Variants in ZNF875 observed in about 807,000 individuals in gnomAD.
The protein encoded by ZNF875 is HKR1, GLI-Kruppel zinc finger family member.
In ZNF875, 14 loss-of-function variants were observed where a neutral mutation model predicts 11.2. The observed-to-expected ratio is 1.26, with a 90% CI of 0.83 to 1.96. The LOEUF (loss-of-function observed/expected upper bound fraction) is 1.96, where lower values mean the gene tolerates loss of function less well. ZNF875 is among the 30% of genes most tolerant of loss of function. ZNF875 has a pLI of 0.00. For synonymous variants in ZNF875, 301 were observed against 281.1 expected (o/e 1.07, Z -0.71); for missense variants, 752 against 760.4 (o/e 0.99, Z 0.13).
intron 4 of ZNF875, among the ~76,000 whole-genome samples, chr19:37,354,001 A>G (rs2038410926): frequency 6.6e-6 from 1 of 151,592 alleles, no homozygotes; most frequent in African/African-American, 2.4e-5. Flanking sequence ...AGGACTCCCA[A>G]TTTACCTGTA....
intron 2 of ZNF875, among the ~76,000 whole-genome samples, chr19:37,345,731 AT>A (rs1270335072): frequency 1.3e-5 from 2 of 152,176 alleles, no homozygotes; most frequent in African/African-American, 4.8e-5. Context: ...TTTAATTGAT[AT>A]AAACACAAGT....
rs764342697 is a variant in ZNF875 at position 37,363,118 on chromosome 19, T to C, written c.1266T>C (p.Tyr422=). The change falls in exon 5 of 5, where the codon TAT becomes TAC. Residue 422 remains tyrosine, a synonymous_variant. Coordinates refer to ENST00000392153, the MANE Select transcript of ZNF875 (RefSeq NM_001353803.2). ...GGACACACACAGGAGAGAAGCCTTA[T>C]GTATGCACAGAATGTGGGCGTCACT... is the stretch of plus-strand genomic sequence containing the variant. The part of the protein sequence containing the change: ...HLRTHTGEKP[Y]VCTECGRHFS... 5 of 1,613,878 alleles carry C rather than the reference T, an allele frequency of 3.1e-6. No individual in the cohort carries two copies. Among genetic ancestry groups the C allele is most frequent in the East Asian group, 4.5e-5 (2 of 44,810 alleles).
rs114879568 is a variant in ZNF875 at position 37,326,596 on chromosome 19, A to T, written c.-603+2331A>T. Among the ~76,000 whole-genome samples the T allele has an allele frequency of 2.7e-3, 413 of 150,216 alleles. 1 individual carries two copies. Among genetic ancestry groups the T allele is most frequent in the African/African-American group, 9.8e-3 (399 of 40,826 alleles). The stretch of plus-strand genomic sequence containing the variant: ...TTTCTTTGATACATTAGTGACTCAC[A>T]TACTTTTCATGTTTTTTGAGTACCT... On this transcript the variant is annotated intron_variant, in intron 4 of 5. Transcript: ENST00000544914.
At chr19:37,358,502 A>G (rs576401479) in intron 4 of ZNF875, 1 of 147,118 alleles carries the variant, frequency 6.8e-6, no homozygotes, top group East Asian at 2.0e-4. Context: ...TTAGAATACA[A>G]TTCCTCAGTT....
chr19:37,338,849 T>G (rs138202439), intron 2 of ZNF875, among the ~76,000 whole-genome samples: 32 of 152,310 alleles, frequency 2.1e-4, no homozygotes, highest in Admixed American at 3.9e-4. Flanking sequence ...TTCCAGATAC[T>G]CTTGATATGC....
At position 37,341,488 on chromosome 19, in the gene ZNF875, A is replaced by C. The variant is rs188440734; in HGVS notation, c.34-5702A>C. On this transcript the variant is annotated intron_variant, in intron 2 of 4. Transcript: ENST00000392153. ...TGGTCAAATGGTCTTGGGTTTCTCTATGCAGGAAGAGAGGACAGCCCCAAT... is the reference window on the plus strand; with the variant it reads ...TGGTCAAATGGTCTTGGGTTTCTCTCTGCAGGAAGAGAGGACAGCCCCAAT... Among the ~76,000 whole-genome samples the C allele has an allele frequency of 2.0e-5, 3 of 152,214 alleles. No homozygotes were observed. In the East Asian group the frequency reaches 5.8e-4, roughly 29 times the overall value.
At chr19:37,354,772 G>A (rs570549008) in intron 4 of ZNF875, among the ~76,000 whole-genome samples, 1 of 152,206 alleles carries the variant, frequency 6.6e-6, no homozygotes, top group South Asian at 2.1e-4. Flanking sequence ...TTTGGACTGG[G>A]TTGGTTCTCG....
intron 4 of ZNF875, among the ~76,000 whole-genome samples, chr19:37,357,528 C>T (rs2039118887): frequency 6.6e-6 from 1 of 152,094 alleles, no homozygotes; most frequent in Non-Finnish European, 1.5e-5. Flanking sequence ...TGTAGTTCTC[C>T]TCGCAGAGAC....
At chr19:37,313,777 T>C (rs1269830359), upstream of ZNF875, among the ~76,000 whole-genome samples, 1 of 152,034 alleles carries the variant, frequency 6.6e-6, no homozygotes, top group Non-Finnish European at 1.5e-5. Flanking sequence ...TGTTGATTAA[T>C]GGACTTAGGT....
Position 37,363,199 on chromosome 19 carries a change from T to A in ZNF875, c.1347T>A (p.Pro449=). 1.2e-6 allele frequency: 2 copies of A among 1,613,272 alleles called. No homozygotes were observed. The highest frequency in any genetic ancestry group is 4.5e-5 in the East Asian group (2 of 44,822). The change falls in exon 5 of 5, where the codon CCT becomes CCA. Residue 449 remains proline (P), a synonymous_variant. Coordinates refer to ENST00000392153, the MANE Select transcript of ZNF875 (RefSeq NM_001353803.2). ...AGAGGACACACTCAGGGGTTAAACCTTATGTCTGCCTGGAGTGCGGGCAGT... is the reference window on the plus strand; with the variant it reads ...AGAGGACACACTCAGGGGTTAAACCATATGTCTGCCTGGAGTGCGGGCAGT... ...THQRTHSGVK[P]YVCLECGQCF...
At chr19:37,350,052 C>T (rs1242379015) in intron 4 of ZNF875, among the ~76,000 whole-genome samples, 1 of 145,850 alleles carries the variant, frequency 6.9e-6, no homozygotes, top group African/African-American at 2.6e-5. Context: ...GCAACCTCCG[C>T]CTATCAGGTT....
intron 2 of ZNF875, chr19:37,346,371 A>G (rs575376705): frequency 6.6e-5 from 10 of 152,350 alleles, no homozygotes; most frequent in African/African-American, 2.4e-4. Flanking sequence ...CCAAATCCAG[A>G]TAGTATGGGT....
At chr19:37,355,356 A>T (rs2038714587) in intron 4 of ZNF875, among the ~76,000 whole-genome samples, 1 of 151,964 alleles carries the variant, frequency 6.6e-6, no homozygotes, top group African/African-American at 2.4e-5. Flanking sequence ...TGCCTGGCTA[A>T]TTTTTGTGTT....
At chr19:37,344,464 CTG>C in intron 2 of ZNF875, 1 of 495,616 alleles carries the variant, frequency 2.0e-6, no homozygotes, top group Non-Finnish European at 3.7e-6. Context: ...TTTGGGTAAT[CTG>C]TGCCCATGTT....
Position 37,364,055 on chromosome 19 carries a change from G to A in ZNF875, c.*280G>A. ...CAGGTAATGATAGTGGCAGGAGGCAGTCAAATGCCCAGGCAGATAGGGGTG... is the reference window on the plus strand; with the variant it reads ...CAGGTAATGATAGTGGCAGGAGGCAATCAAATGCCCAGGCAGATAGGGGTG... On this transcript the variant is annotated 3_prime_UTR_variant, in exon 5 of 5. Coordinates refer to ENST00000392153, the MANE Select transcript of ZNF875 (RefSeq NM_001353803.2). The A allele has an allele frequency of 2.5e-6, 1 of 398,876 alleles. No homozygotes were observed. The highest frequency in any genetic ancestry group is 6.8e-4 in the Middle Eastern group (1 of 1,460). The allele number at this position is 398,876 out of a possible 1,614,324, so 24.7% of individuals were successfully genotyped here.
intron 2 of ZNF875, among the ~76,000 whole-genome samples, chr19:37,342,732 C>T (rs1456334470): frequency 6.6e-6 from 1 of 152,100 alleles, no homozygotes; most frequent in African/African-American, 2.4e-5. Flanking sequence ...TTTTAACAGG[C>T]TTTTTGGAGA....
At position 37,362,152 on chromosome 19, in the gene ZNF875, T is replaced by A. The variant is rs754524650; in HGVS notation, c.300T>A (p.Ile100=). Residue 100 remains isoleucine, a synonymous_variant, in exon 5 of 5, where the codon ATT becomes ATA. Transcript: ENST00000392153. ...AACTTAGTCCCTCCTGCCCTCTGAT[T>A]TTCTCCAGTCAGCAAGCTCTCAGCC... ...EIQLSPSCPL[I]FSSQQALSQH... 4 of 1,613,988 alleles carry A rather than the reference T, an allele frequency of 2.5e-6. No homozygotes were observed. The highest frequency in any genetic ancestry group is 3.3e-5 in the Admixed American group (2 of 60,000).
At chr19:37,332,951 A>G (rs1442693529), upstream of ZNF875, among the ~76,000 whole-genome samples, 1 of 152,234 alleles carries the variant, frequency 6.6e-6, no homozygotes, top group Non-Finnish European at 1.5e-5. Flanking sequence ...CTTGGCACAC[A>G]GCACTGAGTA....
At chr19:37,327,606 A>G (rs1439643227) in intron 4 of ZNF875, among the ~76,000 whole-genome samples, 1 of 151,406 alleles carries the variant, frequency 6.6e-6, no homozygotes, top group Non-Finnish European at 1.5e-5. Context: ...CGTCTCTACT[A>G]AAAATACAAA....
Sources: gnomAD v4.1 joint callset for allele counts (sites outside exome capture counted in the v4.1 genomes callset) on GRCh38, gnomAD v4.1.1 for gene constraint, MANE v1.5 for transcripts, NCBI Gene and HGNC (gene_info 2026-07-23, HGNC 2026-07-21) for gene names.